Variants in FKBP9 observed in about 807,000 individuals in gnomAD.
FKBP9 encodes FKBP prolyl isomerase 9.
In FKBP9, 27 loss-of-function variants were observed where a neutral mutation model predicts 55.6. That is an observed-to-expected ratio of 0.49 (90% CI 0.36 to 0.67). FKBP9 has a LOEUF of 0.67. Among genes scored for constraint, FKBP9 ranks in the 30% least tolerant of loss-of-function variants. The pLI, the probability that FKBP9 is intolerant of heterozygous loss-of-function variation, is 0.00. For synonymous variants in FKBP9, 267 were observed against 296.5 expected, an observed-to-expected ratio of 0.90 and a Z score of 1.02; for missense variants, 539 against 742.8, an observed-to-expected ratio of 0.73 and a Z score of 3.19.
At chr7:32,992,355 C>T (rs1410224584) in intron 6 of FKBP9, among the ~76,000 whole-genome samples, 1 of 151,246 alleles carries the variant, frequency 6.6e-6, no homozygotes, top group Non-Finnish European at 1.5e-5. Flanking sequence ...GAAACCCACC[C>T]ACCGCAGAGG....
intron 1 of FKBP9, among the ~76,000 whole-genome samples, chr7:32,972,200 G>T (rs1271618259): frequency 2.0e-5 from 3 of 152,202 alleles, no homozygotes; most frequent in East Asian, 3.9e-4. Flanking sequence ...GTGGGGATTG[G>T]GGCCCCGGAG....
At chr7:32,961,414 A>G (rs1489921353) in intron 1 of FKBP9, among the ~76,000 whole-genome samples, 1 of 152,176 alleles carries the variant, frequency 6.6e-6, no homozygotes, top group East Asian at 1.9e-4. Context: ...TAGCTCTGGG[A>G]TAGGGCCTAG....
At chr7:32,962,126 G>A (rs1583837577) in intron 1 of FKBP9, among the ~76,000 whole-genome samples, 1 of 152,178 alleles carries the variant, frequency 6.6e-6, no homozygotes, top group South Asian at 2.1e-4. Flanking sequence ...GCCAGGCACG[G>A]TGGCTCATGC....
intron 1 of FKBP9, among the ~76,000 whole-genome samples, chr7:32,958,147 A>G (rs891317433): frequency 7.2e-5 from 11 of 152,160 alleles, no homozygotes; most frequent in Non-Finnish European, 1.3e-4. Flanking sequence ...CCAAGAGTGG[A>G]TGTTCGTGCC....
At chr7:32,983,904 G>T (rs1338217406) in intron 5 of FKBP9, among the ~76,000 whole-genome samples, 1 of 151,900 alleles carries the variant, frequency 6.6e-6, no homozygotes, top group East Asian at 1.9e-4. Context: ...TAGGGCATTG[G>T]CATTTGTCTG....
chr7:32,979,405 C>A, intron 4 of FKBP9: 1 of 824,526 alleles, frequency 1.2e-6, no homozygotes, highest in Non-Finnish European at 2.1e-6. Flanking sequence ...TAGGGATTGA[C>A]CACACCTTGC....
At chr7:32,990,061 A>G (rs1254402330) in intron 6 of FKBP9, among the ~76,000 whole-genome samples, 3 of 151,766 alleles carry the variant, frequency 2.0e-5, no homozygotes. Flanking sequence ...GGAACTCCTG[A>G]GCTCAAGCAA....
intron 8 of FKBP9, among the ~76,000 whole-genome samples, chr7:33,001,282 T>C (rs749957995): frequency 2.6e-5 from 4 of 152,194 alleles, no homozygotes; most frequent in Non-Finnish European, 4.4e-5. Context: ...CGGTGGCTCA[T>C]GCCTGTAATC....
intron 5 of FKBP9, among the ~76,000 whole-genome samples, chr7:32,986,881 G>C (rs1490610242): frequency 6.6e-6 from 1 of 152,188 alleles, no homozygotes; most frequent in Non-Finnish European, 1.5e-5. Context: ...GTGGGGAAGG[G>C]GTGCAGGTCA....
At chr7:32,996,107 C>T (rs1385408425) in intron 6 of FKBP9, 56 bp from the exon 7 acceptor site, 1 of 1,539,650 alleles carries the variant, frequency 6.5e-7, no homozygotes, top group African/African-American at 1.4e-5. Flanking sequence ...ACTGGGGAGG[C>T]CCATGTGCTG....
chr7:32,999,798 A>C (rs1784899421), intron 7 of FKBP9, among the ~76,000 whole-genome samples: 2 of 152,184 alleles, frequency 1.3e-5, no homozygotes, highest in South Asian at 4.1e-4. Flanking sequence ...GCTGGAGTGC[A>C]GGGGCACGAT....
chr7:32,985,384 TG>T (rs1358918578), intron 5 of FKBP9, among the ~76,000 whole-genome samples: 1 of 151,770 alleles, frequency 6.6e-6, no homozygotes, highest in Non-Finnish European at 1.5e-5. Flanking sequence ...TTCAACATGT[TG>T]GGCCGGGCTG....
rs1428824305 is a variant in FKBP9, at chr7:32,979,409, A to G, written c.704-955A>G. ...CGCATGCGATTTAGGGATTGACCAC[A>G]CCTTGCATTCCAGGGGCTGACTCAG... On this transcript the variant is annotated intron_variant, in intron 4 of 9. Coordinates refer to ENST00000242209, the MANE Select transcript of FKBP9 (RefSeq NM_007270.5). 5 of 850,474 alleles carry G rather than the reference A, an allele frequency of 5.9e-6. No homozygotes were observed. The Admixed American group carries it at 1.0e-4, about 17-fold the overall frequency. The allele number at this position is 850,474 out of a possible 1,614,324, so 52.7% of individuals were successfully genotyped here. A position where few individuals can be genotyped will look rare whatever the true frequency, so the allele number is the denominator to read the frequency against.
chr7:32,991,425 T>C (rs1177684610), intron 6 of FKBP9, among the ~76,000 whole-genome samples: 2 of 152,108 alleles, frequency 1.3e-5, no homozygotes, highest in Non-Finnish European at 2.9e-5. Flanking sequence ...CTTGGCCTCT[T>C]TGTGGGGGTT....
rs191335576 is a variant in FKBP9 at position 32,974,917 on chromosome 7, G to A, written c.367+155G>A. The A allele has an allele frequency of 1.5e-3, 1,043 of 709,438 alleles. 7 individuals are homozygous for A. Among genetic ancestry groups the A allele is most frequent in the African/African-American group, 0.012 (666 of 56,304 alleles). The allele number at this position is 709,438 out of a possible 1,614,324, so 43.9% of individuals were successfully genotyped here. On this transcript the variant is annotated intron_variant, in intron 2 of 9. Transcript: ENST00000242209. ...TACACAGCTAAAATTTCCATCTTAG[G>A]TTTATTTCTTCTAGATGTGAAAGAA...
chr7:32,992,612 A>G (rs1225230433), intron 6 of FKBP9: 2 of 182,056 alleles, frequency 1.1e-5, no homozygotes, highest in East Asian at 1.8e-4. Flanking sequence ...TTAATCTACA[A>G]ATAGCTTTGT....
intron 5 of FKBP9, among the ~76,000 whole-genome samples, chr7:32,985,802 G>A (rs1784563382): frequency 6.6e-6 from 1 of 151,990 alleles, no homozygotes; most frequent in Non-Finnish European, 1.5e-5. Context: ...AGACCAGCCT[G>A]GCCAACATGG....
chr7:32,970,243 C>G (rs969849690), intron 1 of FKBP9, among the ~76,000 whole-genome samples: 1 of 151,986 alleles, frequency 6.6e-6, no homozygotes, highest in Non-Finnish European at 1.5e-5. Context: ...GTCGCCCAGA[C>G]TGGAGTGAAG....
chr7:32,988,113 G>A (rs1784611076), intron 5 of FKBP9, among the ~76,000 whole-genome samples: 2 of 152,184 alleles, frequency 1.3e-5, no homozygotes, highest in African/African-American at 4.8e-5. Flanking sequence ...CTGGGAGGTT[G>A]AGGCTGCAGT....
Sources: allele counts gnomAD v4.1 joint callset (sites outside exome capture counted in the v4.1 genomes callset), GRCh38; gene constraint gnomAD v4.1.1; transcripts MANE v1.5; gene names NCBI Gene and HGNC (gene_info 2026-07-23, HGNC 2026-07-21).